The following EVI5 variants were observed in gnomAD, a reference collection of about 807,000 sequenced individuals.
The protein encoded by EVI5 is ecotropic viral integration site 5 protein homolog.
In EVI5, 73 loss-of-function variants were observed where a neutral mutation model predicts 112.0. That is an observed-to-expected ratio of 0.65 (90% CI 0.54 to 0.79). EVI5 has a LOEUF of 0.79. Among genes scored for constraint, EVI5 ranks in the 30% least tolerant of loss-of-function variants. EVI5 has a pLI of 0.00. For missense variants in EVI5, 900 were observed against 968.8 expected (o/e 0.93, Z 0.94); for synonymous variants, 305 against 319.9 (o/e 0.95, Z 0.50).
intron 1 of EVI5, among the ~76,000 whole-genome samples, chr1:92,772,389 G>A (rs1013126986): frequency 6.6e-6 from 1 of 151,580 alleles, no homozygotes; most frequent in African/African-American, 2.4e-5. Flanking sequence ...GAGGTCAGGA[G>A]ATCAAGACCA....
At chr1:92,635,290 GGGCA>G (rs953002624) in intron 14 of EVI5, among the ~76,000 whole-genome samples, 2 of 152,218 alleles carry the variant, frequency 1.3e-5, no homozygotes, top group African/African-American at 4.8e-5. Context: ...GAGTCTACAG[GGGCA>G]GGCAGGCCTC....
In EVI5 at chr1:92,586,606, CTGTGTGTGTG is replaced by C. The variant is rs61310991; in HGVS notation, c.2070+18691_2070+18700del. 2.4e-3 allele frequency among the ~76,000 whole-genome samples: 176 copies of C among 72,776 alleles called. 1 individual carries two copies. The highest frequency in any genetic ancestry group is 6.8e-3 in the African/African-American group (159 of 23,216). 47.7% of individuals were successfully genotyped at this position (72,776 alleles called of 152,430 possible). ...AATGTAGGTTTTTTTTTTTTTTTGG[CTGTGTGTGTG>C]TGTGTGTGTGTGTGTGTGTGTGTGT... On this transcript the variant is annotated intron_variant, in intron 18 of 19. Transcript: ENST00000684568.
chr1:92,644,686 C>A lies in EVI5; in HGVS notation c.1393-8350G>T, dbSNP rs1367736985. Reference sequence around the variant, plus strand: ...TTAATACATTTTCCACTAAGCACTGCATTAGATGTGTCCCACAAATTTTTA... The same window carrying A: ...TTAATACATTTTCCACTAAGCACTGAATTAGATGTGTCCCACAAATTTTTA... On this transcript the variant is annotated intron_variant, in intron 13 of 19. Coordinates refer to ENST00000684568, the MANE Select transcript of EVI5 (RefSeq NM_001350197.2). Among the ~76,000 whole-genome samples, 4 of 152,116 alleles carry A rather than the reference C, an allele frequency of 2.6e-5. 1 individual carries two copies.
chr1:92,690,498 A>AAG (rs1669316896), intron 9 of EVI5, among the ~76,000 whole-genome samples: 2 of 151,704 alleles, frequency 1.3e-5, no homozygotes, highest in Admixed American at 1.3e-4. Context: ...GTACACCACC[A>AAG]TACCTGGCTA....
chr1:92,741,539 C>A (rs1411253880), intron 1 of EVI5, among the ~76,000 whole-genome samples: 1 of 152,048 alleles, frequency 6.6e-6, no homozygotes, highest in Non-Finnish European at 1.5e-5. Context: ...TCGAAAAGGG[C>A]CTTCAAACAG....
Position 92,663,437 on chromosome 1 carries a change from C to T in EVI5, c.1228G>A (p.Ala410Thr). Residue 410 changes from alanine to threonine, a missense_variant, in exon 12 of 20, where the codon GCA becomes ACA. Ala to Thr is a moderately conservative substitution (Grantham distance 58, BLOSUM62 0). Coordinates refer to ENST00000684568, the MANE Select transcript of EVI5 (RefSeq NM_001350197.2). ...ETLEKESASLADRLIQGQVTR... is the reference protein window; with the variant it reads ...ETLEKESASLTDRLIQGQVTR... ...AACTATACCTGTATCAATCTATCTGCCAAGGAAGCACTTTCCTACAAAAGG... is the reference window on the plus strand; with the variant it reads ...AACTATACCTGTATCAATCTATCTGTCAAGGAAGCACTTTCCTACAAAAGG... The T allele has an allele frequency of 7.0e-7, 1 of 1,420,608 alleles. No individual in the cohort carries two copies. Among genetic ancestry groups the T allele is most frequent in the South Asian group, 1.4e-5 (1 of 72,412 alleles). The allele number at this position is 1,420,608 out of a possible 1,614,324, so 88.0% of individuals were successfully genotyped here. A position where few individuals can be genotyped will look rare whatever the true frequency, so the allele number is the denominator to read the frequency against.
chr1:92,520,195 C>CT (rs1183283884), intron 19 of EVI5, among the ~76,000 whole-genome samples: 3 of 151,736 alleles, frequency 2.0e-5, no homozygotes, highest in Non-Finnish European at 2.9e-5. Flanking sequence ...CTTAATAAAG[C>CT]TTTTTTTTAA....
chr1:92,593,551 T>G (rs1176601129), intron 18 of EVI5, among the ~76,000 whole-genome samples: 1 of 152,138 alleles, frequency 6.6e-6, no homozygotes, highest in African/African-American at 2.4e-5. Flanking sequence ...TTCAACATAG[T>G]GTTGGAAATT....
chr1:92,710,086 C>CAAAAAAAAAGAA (rs1672612776), intron 2 of EVI5, among the ~76,000 whole-genome samples: 1 of 82,786 alleles, frequency 1.2e-5, no homozygotes, highest in East Asian at 4.5e-4. Context: ...TATTGCAAAG[C>CAAAAAAAAAGAA]AAAAAAAAAA....
intron 2 of EVI5, among the ~76,000 whole-genome samples, chr1:92,726,649 G>C (rs2102736993): frequency 6.6e-6 from 1 of 152,088 alleles, no homozygotes; most frequent in African/African-American, 2.4e-5. Flanking sequence ...TAACTAAATA[G>C]GTAAACACAT....
rs1036410848 is a variant in EVI5 at position 92,704,686 on chromosome 1, C to T, written c.208G>A (p.Gly70Ser). Residue 70 changes from glycine to serine, a missense_variant, in exon 3 of 20, where the codon GGC becomes AGC. Gly to Ser is a moderately conservative substitution (Grantham distance 56). Transcript: ENST00000684568. The stretch of plus-strand genomic sequence containing the variant: ...GATGAACTCGACACAAGAGAAGAGC[C>T]ACTGTTTCTTCTTGACCCATTTACA... ...RSVNGSRRNS[G>S]SSLVSSSSAS... 7 of 1,602,708 alleles carry T rather than the reference C, an allele frequency of 4.4e-6. No individual in the cohort carries two copies. The African/African-American group carries it at 8.0e-5, about 18-fold the overall frequency.
chr1:92,673,726 A>G (rs906406115), intron 10 of EVI5, among the ~76,000 whole-genome samples: 1 of 152,220 alleles, frequency 6.6e-6, no homozygotes, highest in African/African-American at 2.4e-5. Flanking sequence ...TATTAACAAA[A>G]AATTTCACAC....
intron 9 of EVI5, among the ~76,000 whole-genome samples, chr1:92,683,376 A>G (rs530862183): frequency 6.6e-6 from 1 of 152,286 alleles, no homozygotes; most frequent in Admixed American, 6.5e-5. Context: ...CATCAACAAA[A>G]AGGACTTCCA....
intron 14 of EVI5, among the ~76,000 whole-genome samples, chr1:92,631,700 A>T (rs1252842569): frequency 6.6e-6 from 1 of 152,206 alleles, no homozygotes. Flanking sequence ...TGCCCTGGCC[A>T]GAACTTCCAA....
intron 14 of EVI5, among the ~76,000 whole-genome samples, chr1:92,629,474 A>G (rs1484657281): frequency 6.6e-6 from 1 of 152,166 alleles, no homozygotes; most frequent in African/African-American, 2.4e-5. Context: ...TAAATCTGAA[A>G]GCTATAAGAA....
rs151151578 is a variant in EVI5, at chr1:92,790,208, C to T, written c.51+2136G>A. 2.5e-3 allele frequency among the ~76,000 whole-genome samples: 384 copies of T among 152,224 alleles called. 1 individual carries two copies. Among genetic ancestry groups the T allele is most frequent in the African/African-American group, 8.9e-3 (370 of 41,522 alleles). The stretch of plus-strand genomic sequence containing the variant: ...GGCACAACTGTAGCTATTCTGGAGA[C>T]TGAAGTGGGAGGGTCACTTGAGCCC... On this transcript the variant is annotated intron_variant, in intron 1 of 17. Transcript: ENST00000370331.
chr1:92,638,825 G>A (rs1407231972), intron 13 of EVI5, among the ~76,000 whole-genome samples: 1 of 152,048 alleles, frequency 6.6e-6, no homozygotes, highest in Non-Finnish European at 1.5e-5. Flanking sequence ...CCATATAGGT[G>A]TTGAAGAGTT....
At chr1:92,608,694 T>C (rs1651033314) in intron 16 of EVI5, among the ~76,000 whole-genome samples, 1 of 141,384 alleles carries the variant, frequency 7.1e-6, no homozygotes, top group Non-Finnish European at 1.5e-5. Context: ...ACAAGAAGAC[T>C]CTGTCTCAGA....
intron 10 of EVI5, among the ~76,000 whole-genome samples, chr1:92,670,003 T>A (rs1341879268): frequency 6.6e-6 from 1 of 152,182 alleles, no homozygotes; most frequent in Non-Finnish European, 1.5e-5. Flanking sequence ...AGAGCAAGAA[T>A]GAAATACTTA....
Sources: allele counts gnomAD v4.1 joint callset (sites outside exome capture counted in the v4.1 genomes callset), GRCh38; gene constraint gnomAD v4.1.1; transcripts MANE v1.5; gene names NCBI Gene and HGNC (gene_info 2026-07-23, HGNC 2026-07-21).